HECW1: variants seen among roughly 807,000 people sequenced by gnomAD.
The protein encoded by HECW1 is E3 ubiquitin-protein ligase HECW1.
Under a neutral mutation model 182.3 loss-of-function variants are expected in HECW1, and 61 were observed. That is an observed-to-expected ratio of 0.33 (90% CI 0.27 to 0.41). The LOEUF (loss-of-function observed/expected upper bound fraction) is 0.41. HECW1 is among the 10% of genes least tolerant of loss of function. The probability of loss-of-function intolerance (pLI) is 1.00; values close to 1 mark genes in which losing one functional copy is unlikely to be tolerated. For synonymous variants in HECW1, 859 were observed against 832.6 expected, an observed-to-expected ratio of 1.03 and a Z score of -0.55; for missense variants, 1,739 against 2,108.9, an observed-to-expected ratio of 0.82 and a Z score of 3.44.
intron 18 of HECW1, among the ~76,000 whole-genome samples, chr7:43,492,389 T>A (rs1443483902): frequency 6.6e-6 from 1 of 152,122 alleles, no homozygotes; most frequent in Non-Finnish European, 1.5e-5. Flanking sequence ...TCCTCACCTA[T>A]CTGTTCCCCT....
chr7:43,255,977 A>G (rs1800527156), intron 3 of HECW1, among the ~76,000 whole-genome samples: 1 of 152,216 alleles, frequency 6.6e-6, no homozygotes, highest in Non-Finnish European at 1.5e-5. Context: ...ATCTGACCTA[A>G]TTATTTAATA....
intron 2 of HECW1, among the ~76,000 whole-genome samples, chr7:43,163,841 G>A (rs1239811033): frequency 6.6e-6 from 1 of 152,196 alleles, no homozygotes; most frequent in Non-Finnish European, 1.5e-5. Context: ...GACAAGCAAA[G>A]ATGAGGGTAT....
At chr7:43,356,414 C>G (rs1189080797) in intron 5 of HECW1, among the ~76,000 whole-genome samples, 1 of 152,106 alleles carries the variant, frequency 6.6e-6, no homozygotes, top group Non-Finnish European at 1.5e-5. Flanking sequence ...GTAAAGCAAA[C>G]ATTAATAGAT....
At position 43,450,745 on chromosome 7, in the gene HECW1, T is replaced by A. The variant is rs2077206995; in HGVS notation, c.2399-83T>A. On this transcript the variant is annotated intron_variant, in intron 11 of 29. Transcript: ENST00000395891. Reference sequence around the variant, plus strand: ...CACTCTTTGGGGTTGTTTCTTGTAGTGCTTAGTTTTACAGTCATGCTTTTT... The same window carrying A: ...CACTCTTTGGGGTTGTTTCTTGTAGAGCTTAGTTTTACAGTCATGCTTTTT... 22 of 850,582 alleles carry A rather than the reference T, an allele frequency of 2.6e-5. No homozygotes were observed. In the South Asian group the frequency reaches 3.0e-4, roughly 12 times the overall value. 52.7% of individuals were successfully genotyped at this position (850,582 alleles called of 1,614,324 possible).
At chr7:43,340,242 A>ATGTCTGATTGCTTTGTT (rs1812796137) in intron 5 of HECW1, among the ~76,000 whole-genome samples, 5 of 113,366 alleles carry the variant, frequency 4.4e-5, no homozygotes, top group African/African-American at 1.8e-4. Flanking sequence ...TTTTTCTAAG[A>ATGTCTGATTGCTTTGTT]CGGAGTATCG....
At chr7:43,174,502 C>G (rs1361342542) in intron 2 of HECW1, among the ~76,000 whole-genome samples, 1 of 152,208 alleles carries the variant, frequency 6.6e-6, no homozygotes, top group Non-Finnish European at 1.5e-5. Context: ...TTGATCTTCT[C>G]CCAGTGTCAA....
chr7:43,207,450 A>G (rs758891060), intron 2 of HECW1, among the ~76,000 whole-genome samples: 34 of 152,306 alleles, frequency 2.2e-4, no homozygotes, highest in Non-Finnish European at 4.7e-4. Flanking sequence ...CATCTCAAAC[A>G]TTCATCATTT....
rs1365470723 is a variant in HECW1 at position 43,508,105 on chromosome 7, C to T, written c.3840C>T (p.Leu1280=). 2 of 1,613,848 alleles carry T rather than the reference C, an allele frequency of 1.2e-6. No homozygotes were observed. The highest frequency in any genetic ancestry group is 1.1e-5 in the South Asian group (1 of 91,078). Residue 1280 remains leucine (L), a synonymous_variant, in exon 23 of 30, where the codon CTC becomes CTT. Coordinates refer to ENST00000395891, the MANE Select transcript of HECW1 (RefSeq NM_015052.5). ...YSRKELQRNK[L]YVTFVGEEGL... ...GGAAAGAGCTCCAGCGAAACAAGCT[C>T]TACGTCACCTTTGTTGGAGAGGAGG...
intron 6 of HECW1, among the ~76,000 whole-genome samples, chr7:43,366,085 A>C (rs1340335860): frequency 2.0e-5 from 3 of 151,916 alleles, no homozygotes; most frequent in African/African-American, 7.3e-5. Flanking sequence ...CCTGGTCGAC[A>C]GAGCAAGACT....
rs940824203 is a variant in HECW1 at position 43,564,633 on chromosome 7, A to T, written c.*2707A>T. 3.3e-5 allele frequency: 6 copies of T among 181,836 alleles called. No individual in the cohort carries two copies. In the South Asian group the frequency reaches 9.9e-4, roughly 30 times the overall value. The allele number at this position is 181,836 out of a possible 1,614,324, so 11.3% of individuals were successfully genotyped here. A position where few individuals can be genotyped will look rare whatever the true frequency, so the allele number is the denominator to read the frequency against. ...CACCTGAAAGAAGATGAAGCTTGTAATATTTTATTGCAACCTTGCATAGAA... is the reference window on the plus strand; with the variant it reads ...CACCTGAAAGAAGATGAAGCTTGTATTATTTTATTGCAACCTTGCATAGAA... On this transcript the variant is annotated 3_prime_UTR_variant, in exon 30 of 30. Coordinates refer to ENST00000395891, the MANE Select transcript of HECW1 (RefSeq NM_015052.5).
At chr7:43,553,684 A>AG (rs1348457316) in intron 28 of HECW1, among the ~76,000 whole-genome samples, 3 of 145,468 alleles carry the variant, frequency 2.1e-5, no homozygotes, top group Non-Finnish European at 4.6e-5. Context: ...AAAAAAAAAA[A>AG]AAAAGTCTCT....
chr7:43,218,828 G>A (rs1178370543), intron 2 of HECW1, among the ~76,000 whole-genome samples: 1 of 152,180 alleles, frequency 6.6e-6, no homozygotes, highest in Admixed American at 6.5e-5. Flanking sequence ...ACGTGATTTA[G>A]ATAAAATGAC....
At chr7:43,419,258 C>T (rs188921725) in intron 8 of HECW1, among the ~76,000 whole-genome samples, 41 of 152,262 alleles carry the variant, frequency 2.7e-4, no homozygotes, top group Admixed American at 1.6e-3. Flanking sequence ...GTGACTGTGG[C>T]GGCATTCAGG....
Position 43,124,073 on chromosome 7 carries a change from A to G in HECW1, c.-32+9682A>G, listed in dbSNP as rs187421125. 7.2e-3 allele frequency among the ~76,000 whole-genome samples: 1,095 copies of G among 152,326 alleles called. 9 individuals are homozygous for G. The highest frequency in any genetic ancestry group is 0.01 in the Non-Finnish European group (687 of 68,030). ...GGGAAGCATCAAGCTCTAAGATAGA[A>G]AACCTTCATTCTGTGCTCCTGACTC... On this transcript the variant is annotated intron_variant, in intron 2 of 29. Coordinates refer to ENST00000395891, the MANE Select transcript of HECW1 (RefSeq NM_015052.5).
intron 2 of HECW1, among the ~76,000 whole-genome samples, chr7:43,114,711 T>C (rs1046690463): frequency 1.3e-5 from 2 of 150,420 alleles, no homozygotes; most frequent in African/African-American, 5.0e-5. Context: ...AGTTGGCTGC[T>C]TTGTGGAATG....
At chr7:43,457,457 G>A (rs537097004) in intron 13 of HECW1, among the ~76,000 whole-genome samples, 2 of 152,280 alleles carry the variant, frequency 1.3e-5, no homozygotes, top group Admixed American at 6.5e-5. Flanking sequence ...AAGAAAAGGA[G>A]GAGAAACAAT....
intron 3 of HECW1, among the ~76,000 whole-genome samples, chr7:43,263,267 A>G (rs1403005316): frequency 6.6e-6 from 1 of 152,242 alleles, no homozygotes; most frequent in Non-Finnish European, 1.5e-5. Context: ...AACTTATTAA[A>G]CACAAAAGAA....
chr7:43,436,227 A>T (rs2076707887), intron 8 of HECW1, among the ~76,000 whole-genome samples: 1 of 151,052 alleles, frequency 6.6e-6, no homozygotes, highest in South Asian at 2.1e-4. Context: ...AAAAATATGT[A>T]TTTATTTCAG....
chr7:43,360,988 T>G lies in HECW1; in HGVS notation c.555+8T>G, dbSNP rs1214583070. On this transcript the variant is annotated splice_region_variant and intron_variant, in intron 6 of 29. Transcript: ENST00000395891. ...AAAAACTCGGCAGCTCCTGTAAGTC[T>G]CATTTCTCCGTCTTTGGTTAGACCT... 1 of 1,598,828 alleles carries G rather than the reference T, an allele frequency of 6.3e-7. No individual in the cohort carries two copies. The highest frequency in any genetic ancestry group is 2.2e-5 in the East Asian group (1 of 44,832).
Sources: allele counts gnomAD v4.1 joint callset (sites outside exome capture counted in the v4.1 genomes callset), GRCh38; gene constraint gnomAD v4.1.1; transcripts MANE v1.5; gene names NCBI Gene and HGNC (gene_info 2026-07-23, HGNC 2026-07-21).